The following MGMT variants were observed in gnomAD, a reference collection of about 807,000 sequenced individuals.
MGMT encodes methylated-DNA--protein-cysteine methyltransferase.
Under a neutral mutation model 15.9 loss-of-function variants are expected in MGMT, and 14 were observed. The observed-to-expected ratio is 0.88, with a 90% CI of 0.58 to 1.37. The LOEUF is 1.37. Among genes scored for constraint, MGMT ranks in the 40% most tolerant of loss-of-function variants. The pLI is 0.00. For missense variants in MGMT, 282 were observed against 268.1 expected (o/e 1.05, Z -0.36); for synonymous variants, 130 against 118.2 (o/e 1.10, Z -0.65).
intron 1 of MGMT, among the ~76,000 whole-genome samples, chr10:129,525,855 G>C (rs532183748): frequency 1.3e-5 from 2 of 152,302 alleles, no homozygotes; most frequent in East Asian, 3.9e-4. Flanking sequence ...CCACAAACAG[G>C]AGTGTTTCCC....
intron 2 of MGMT, among the ~76,000 whole-genome samples, chr10:129,649,975 A>G (rs1230684651): frequency 6.6e-6 from 1 of 152,180 alleles, no homozygotes; most frequent in East Asian, 1.9e-4. Context: ...TTTAGCATCT[A>G]GAGAGGGTCC....
intron 1 of MGMT, among the ~76,000 whole-genome samples, chr10:129,524,471 A>G (rs1845846974): frequency 6.6e-6 from 1 of 152,022 alleles, no homozygotes; most frequent in Admixed American, 6.6e-5. Context: ...ATGTCATGGA[A>G]TCTCTTCATA....
At chr10:129,578,671 TTAAAG>T (rs1846517137) in intron 2 of MGMT, among the ~76,000 whole-genome samples, 1 of 152,144 alleles carries the variant, frequency 6.6e-6, no homozygotes, top group East Asian at 1.9e-4. Context: ...ACCCTAAAAC[TTAAAG>T]TATAATAATA....
At chr10:129,638,489 A>G (rs1847291666) in intron 2 of MGMT, among the ~76,000 whole-genome samples, 1 of 151,158 alleles carries the variant, frequency 6.6e-6, no homozygotes, top group Admixed American at 6.6e-5. Context: ...AGAAGAGCAC[A>G]GTGAAATTTA....
intron 4 of MGMT, among the ~76,000 whole-genome samples, chr10:129,762,179 C>T (rs189207652): frequency 2.6e-4 from 39 of 152,324 alleles, no homozygotes; most frequent in African/African-American, 7.9e-4. Context: ...CCAGCCCAGA[C>T]GGTGCGTCGC....
chr10:129,764,195 C>G (rs1848906749), intron 4 of MGMT, among the ~76,000 whole-genome samples: 1 of 152,252 alleles, frequency 6.6e-6, no homozygotes, highest in Non-Finnish European at 1.5e-5. Context: ...GGGCACGAGA[C>G]TCCATTCGGC....
chr10:129,708,458 A>G (rs542995293), intron 3 of MGMT, among the ~76,000 whole-genome samples: 1 of 152,324 alleles, frequency 6.6e-6, no homozygotes, highest in African/African-American at 2.4e-5. Context: ...GGTGACACTT[A>G]CATCATAGCA....
chr10:129,484,894 G>A (rs562234650), intron 1 of MGMT, among the ~76,000 whole-genome samples: 1 of 150,702 alleles, frequency 6.6e-6, no homozygotes, highest in South Asian at 2.1e-4. Flanking sequence ...CTTTATAAGG[G>A]TGTGTGTATG....
At chr10:129,477,458 G>A (rs1361187321) in intron 1 of MGMT, among the ~76,000 whole-genome samples, 1 of 152,146 alleles carries the variant, frequency 6.6e-6, no homozygotes, top group Non-Finnish European at 1.5e-5. Flanking sequence ...CCTCCAATTT[G>A]GCTGTATTTG....
chr10:129,640,693 T>C (rs1847318375), intron 2 of MGMT, among the ~76,000 whole-genome samples: 1 of 152,140 alleles, frequency 6.6e-6, no homozygotes, highest in Non-Finnish European at 1.5e-5. Flanking sequence ...ATATTCCTAA[T>C]GTACATAAAA....
chr10:129,522,095 T>TTCCTTGCTCTGGGAAGCC (rs146671233), intron 1 of MGMT, among the ~76,000 whole-genome samples: 37,773 of 151,796 alleles, frequency 0.25, 5,650 homozygotes, highest in African/African-American at 0.42. Context: ...TGGAGAAGAA[T>TTCCTTGCTCTGGGAAGCC]TGGGTAAGGG....
intron 1 of MGMT, among the ~76,000 whole-genome samples, chr10:129,497,658 T>C (rs1284090791): frequency 6.6e-6 from 1 of 152,200 alleles, no homozygotes; most frequent in Admixed American, 6.5e-5. Flanking sequence ...TCTAGTGCAA[T>C]GGTCTGAATT....
intron 2 of MGMT, among the ~76,000 whole-genome samples, chr10:129,554,104 G>A (rs549598118): frequency 1.3e-5 from 2 of 152,374 alleles, no homozygotes; most frequent in Admixed American, 6.5e-5. Flanking sequence ...GATGGGGAGA[G>A]CTGGGCACCT....
intron 2 of MGMT, among the ~76,000 whole-genome samples, chr10:129,660,594 G>A (rs1163729309): frequency 6.6e-6 from 1 of 152,146 alleles, no homozygotes; most frequent in Non-Finnish European, 1.5e-5. Context: ...CATGCTGAGG[G>A]ACATGGAGCC....
chr10:129,626,951 C>T (rs919175191), intron 2 of MGMT, among the ~76,000 whole-genome samples: 3 of 152,144 alleles, frequency 2.0e-5, no homozygotes, highest in African/African-American at 4.8e-5. Flanking sequence ...AGGCTCCCAG[C>T]GCACCCAGAG....
chr10:129,598,539 G>C (rs75650233), intron 2 of MGMT, among the ~76,000 whole-genome samples: 1 of 152,266 alleles, frequency 6.6e-6, no homozygotes, highest in East Asian at 1.9e-4. Context: ...GGAAAACTGT[G>C]CTCCGGAATA....
At chr10:129,574,511 C>A (rs76148637) in intron 2 of MGMT, among the ~76,000 whole-genome samples, 1 of 152,284 alleles carries the variant, frequency 6.6e-6, no homozygotes, top group African/African-American at 2.4e-5. Flanking sequence ...AATGTTTTTA[C>A]TATCTTTAAA....
At chr10:129,534,017 C>G (rs181476220) in intron 1 of MGMT, among the ~76,000 whole-genome samples, 6 of 152,244 alleles carry the variant, frequency 3.9e-5, no homozygotes, top group African/African-American at 1.4e-4. Flanking sequence ...GTAGTGATCC[C>G]CAAATCCTAC....
At chr10:129,681,223 C>T (rs1008392138) in intron 2 of MGMT, among the ~76,000 whole-genome samples, 5 of 152,262 alleles carry the variant, frequency 3.3e-5, no homozygotes, top group Non-Finnish European at 7.4e-5. Flanking sequence ...ACGTGTGCCC[C>T]GCTGTGGCAC....
Sources: allele counts gnomAD v4.1 joint callset (sites outside exome capture counted in the v4.1 genomes callset), GRCh38; gene constraint gnomAD v4.1.1; transcripts MANE v1.5; gene names NCBI Gene and HGNC (gene_info 2026-07-23, HGNC 2026-07-21).